GSE1: variants seen among roughly 807,000 people sequenced by gnomAD.
GSE1 encodes the protein Gse1 coiled-coil protein.
GSE1 carries 32 observed loss-of-function variants against 112.6 expected under a neutral mutation model. The ratio of observed to expected loss-of-function variants is 0.28; its 90% CI spans 0.21 to 0.38. GSE1 has a LOEUF of 0.38. Ranked by LOEUF, GSE1 falls within the 10% of genes least tolerant of loss-of-function variation. The pLI, the probability that GSE1 is intolerant of heterozygous loss-of-function variation, is 1.00. For synonymous variants in GSE1, 1,115 were observed against 735.6 expected (o/e 1.52, Z -8.35); for missense variants, 2,348 against 1,699.2 (o/e 1.38, Z -6.71).
chr16:85,663,337 A>T lies in GSE1; in HGVS notation c.2374-7A>T. ...TTCAAACTCATTTGTTTTCTTTCCC[A>T]ATCTAGAAGCTAGAGTTTTTGCAAC... On this transcript the variant is annotated splice_region_variant and splice_polypyrimidine_tract_variant and intron_variant, in intron 10 of 15. Coordinates refer to ENST00000253458, the MANE Select transcript of GSE1 (RefSeq NM_014615.5). 1.9e-6 allele frequency: 3 copies of T among 1,613,286 alleles called. No individual in the cohort carries two copies. Among genetic ancestry groups the T allele is most frequent in the Non-Finnish European group, 2.5e-6 (3 of 1,179,794 alleles).
chr16:85,663,248 G>GC (rs1282128065), intron 10 of GSE1, 96 bp from the exon 11 acceptor site: 1 of 1,426,104 alleles, frequency 7.0e-7, no homozygotes, highest in Non-Finnish European at 9.7e-7. Context: ...GCCAGCTACG[G>GC]CCCACACTTC....
intron 2 of GSE1, among the ~76,000 whole-genome samples, chr16:85,446,033 G>C (rs1411957653): frequency 6.6e-6 from 1 of 152,184 alleles, no homozygotes; most frequent in Non-Finnish European, 1.5e-5. Context: ...AGAGTGCCTG[G>C]GTGCACACAC....
chr16:85,314,080 TTGTA>T (rs1369046049), intron 1 of GSE1, among the ~76,000 whole-genome samples: 9 of 151,282 alleles, frequency 5.9e-5, no homozygotes, highest in African/African-American at 1.7e-4. Flanking sequence ...ACATAGCCAT[TTGTA>T]TGTGTGTGTG....
At chr16:85,243,963 C>T (rs1168915249) in intron 1 of GSE1, among the ~76,000 whole-genome samples, 1 of 152,162 alleles carries the variant, frequency 6.6e-6, no homozygotes, top group Non-Finnish European at 1.5e-5. Context: ...CCCATCTCCA[C>T]TAAAAATACA....
At chr16:85,393,825 G>A (rs977576284) in intron 2 of GSE1, among the ~76,000 whole-genome samples, 4 of 152,324 alleles carry the variant, frequency 2.6e-5, no homozygotes, top group African/African-American at 9.6e-5. Flanking sequence ...GGGCTGGGCT[G>A]AGGGGCTTGA....
chr16:85,360,858 C>T (rs533209789), intron 2 of GSE1, among the ~76,000 whole-genome samples: 23 of 151,972 alleles, frequency 1.5e-4, no homozygotes, highest in Non-Finnish European at 2.9e-4. Context: ...GTGACACACA[C>T]ACACACACCT....
At chr16:85,621,691 G>A (rs572938807) in intron 1 of GSE1, among the ~76,000 whole-genome samples, 1 of 152,330 alleles carries the variant, frequency 6.6e-6, no homozygotes, top group Non-Finnish European at 1.5e-5. Context: ...CTTGGATGCT[G>A]GAGCTGGGGT....
intron 1 of GSE1, among the ~76,000 whole-genome samples, chr16:85,259,933 G>A (rs922618930): frequency 6.6e-5 from 10 of 152,226 alleles, no homozygotes; most frequent in African/African-American, 2.4e-4. Context: ...GCTGGATGGT[G>A]ACCACTCAAG....
intron 1 of GSE1, among the ~76,000 whole-genome samples, chr16:85,212,798 T>A (rs2075247902): frequency 6.6e-6 from 1 of 152,006 alleles, no homozygotes; most frequent in South Asian, 2.1e-4. Context: ...AGGGGGCGTC[T>A]GTGTTTTCTT....
intron 1 of GSE1, among the ~76,000 whole-genome samples, chr16:85,192,094 T>C (rs927019015): frequency 3.3e-5 from 5 of 152,270 alleles, no homozygotes; most frequent in Non-Finnish European, 7.3e-5. Context: ...AGCCCTTTTT[T>C]GCTCATGCAC....
intron 2 of GSE1, among the ~76,000 whole-genome samples, chr16:85,526,595 C>G (rs950606942): frequency 6.6e-6 from 1 of 152,156 alleles, no homozygotes; most frequent in East Asian, 1.9e-4. Context: ...TGGTTACAGG[C>G]AGTGTGGGAT....
At position 85,316,058 on chromosome 16, in the gene GSE1, C is replaced by T. The variant is rs540820545; in HGVS notation, c.2284-41405C>T. On this transcript the variant is annotated intron_variant, in intron 1 of 2. Transcript: ENST00000637419. Reference sequence around the variant, plus strand: ...GCCATCGAATGTCCCACCCGATGGACGGCAGAGGCCATCTGGCCTGACTGC... The same window carrying T: ...GCCATCGAATGTCCCACCCGATGGATGGCAGAGGCCATCTGGCCTGACTGC... Among the ~76,000 whole-genome samples the T allele has an allele frequency of 3.9e-5, 6 of 152,314 alleles. No homozygotes were observed. The South Asian group carries it at 6.2e-4, about 16-fold the overall frequency.
At chr16:85,664,769 T>C in intron 11 of GSE1, 1 of 422,252 alleles carries the variant, frequency 2.4e-6, no homozygotes, top group Non-Finnish European at 4.3e-6. Context: ...CACAGAGGCG[T>C]CGTCACCGCA....
At chr16:85,592,455 A>G (rs115028955) in intron 1 of GSE1, 1 of 152,166 alleles carries the variant, frequency 6.6e-6, no homozygotes, top group African/African-American at 2.4e-5. Context: ...CGGCCTGTGC[A>G]TATTTTCTTC....
rs532370388 is a variant in GSE1 at position 85,644,748 on chromosome 16, G to A, written c.227-3804G>A. On this transcript the variant is annotated intron_variant, in intron 2 of 15. Transcript: ENST00000253458. The stretch of plus-strand genomic sequence containing the variant: ...TGGTGATGGTCGCACAACTCTGGAC[G>A]TGCTAGAACCGTGGGGCCGCGCGCT... 3.3e-5 allele frequency among the ~76,000 whole-genome samples: 5 copies of A among 152,134 alleles called. No homozygotes were observed. In the South Asian group the frequency reaches 8.3e-4, roughly 25 times the overall value.
At chr16:85,333,226 T>A (rs561670887) in intron 1 of GSE1, among the ~76,000 whole-genome samples, 263 of 152,250 alleles carry the variant, frequency 1.7e-3, no homozygotes, top group African/African-American at 6.1e-3. Flanking sequence ...AAGTGGGTCC[T>A]CTTTCCTCAG....
At chr16:85,392,476 T>C (rs1344903603) in intron 2 of GSE1, among the ~76,000 whole-genome samples, 3 of 152,236 alleles carry the variant, frequency 2.0e-5, no homozygotes, top group Admixed American at 1.3e-4. Flanking sequence ...GTGGTGAACA[T>C]ATTCTGAAAT....
intron 1 of GSE1, among the ~76,000 whole-genome samples, chr16:85,283,948 T>A (rs1262979948): frequency 6.6e-6 from 1 of 152,224 alleles, no homozygotes; most frequent in Non-Finnish European, 1.5e-5. Context: ...CCTGCCCACA[T>A]GTCCTCAGGC....
chr16:85,212,127 CG>C (rs2075236459), intron 1 of GSE1, among the ~76,000 whole-genome samples: 1 of 152,210 alleles, frequency 6.6e-6, no homozygotes, highest in Non-Finnish European at 1.5e-5. Context: ...GGCTAGAAGC[CG>C]GGCGCGGTGG....
Sources: allele counts gnomAD v4.1 joint callset (sites outside exome capture counted in the v4.1 genomes callset), GRCh38; gene constraint gnomAD v4.1.1; transcripts MANE v1.5; gene names NCBI Gene and HGNC (gene_info 2026-07-23, HGNC 2026-07-21).